The following SHANK2 variants were observed in gnomAD, a reference collection of about 807,000 sequenced individuals.
SHANK2 encodes the protein SH3 and multiple ankyrin repeat domains protein 2.
SHANK2 carries 43 observed loss-of-function variants against 133.7 expected under a neutral mutation model. The observed-to-expected ratio is 0.32, with a 90% CI of 0.25 to 0.41. SHANK2 has a LOEUF of 0.41. Among genes scored for constraint, SHANK2 ranks in the 10% least tolerant of loss-of-function variants. The probability of loss-of-function intolerance (pLI) is 1.00; values close to 1 mark genes in which losing one functional copy is unlikely to be tolerated. For synonymous variants in SHANK2, 1,017 were observed against 952.8 expected (o/e 1.07, Z -1.24); for missense variants, 1,994 against 2,235.8 (o/e 0.89, Z 2.18).
At chr11:70,842,933 G>A (rs566634859) in intron 11 of SHANK2, among the ~76,000 whole-genome samples, 10 of 152,060 alleles carry the variant, frequency 6.6e-5, no homozygotes, top group East Asian at 1.9e-4. Flanking sequence ...CGGGCTGGGC[G>A]GCCATTCCCT....
rs1172807204 is a variant in SHANK2 at position 71,133,346 on chromosome 11, A to ATGGATGGC, written c.207+13773_207+13774insGCCATCCA. Among the ~76,000 whole-genome samples the ATGGATGGC allele has an allele frequency of 7.8e-3, 878 of 111,940 alleles. 51 individuals carry two copies. Among genetic ancestry groups the ATGGATGGC allele is most frequent in the African/African-American group, 0.031 (827 of 27,112 alleles). 73.4% of individuals were successfully genotyped at this position (111,940 alleles called of 152,430 possible). On this transcript the variant is annotated intron_variant, in intron 3 of 25. Transcript: ENST00000601538. Reference sequence around the variant, plus strand: ...GGTAGGTGGGTGGCTGGGAGGATGCATGGCTGGCTGGCTGGCTGGCTGGGT... The same window carrying ATGGATGGC: ...GGTAGGTGGGTGGCTGGGAGGATGCATGGATGGCTGGCTGGCTGGCTGGCTGGCTGGGT...
In SHANK2 at chr11:70,502,827, A is replaced by G. The variant is rs1407503328; in HGVS notation, c.2166T>C (p.Asn722=). The change falls in exon 18 of 26, where the codon AAT becomes AAC. Residue 722 remains asparagine, a synonymous_variant. Transcript: ENST00000601538. ...LVLKVVTVTR[N]LDPDDTARKK... ...TCCTGGCGGTGTCGTCGGGGTCCAG[A>G]TTCCTGGTCACCGTGACCACCTTAA... 1 of 1,600,288 alleles carries G rather than the reference A, an allele frequency of 6.2e-7. No individual in the cohort carries two copies. The highest frequency in any genetic ancestry group is 2.3e-5 in the East Asian group (1 of 43,812).
At chr11:70,599,959 GAAAGAAA>G (rs1565166680) in intron 17 of SHANK2, among the ~76,000 whole-genome samples, 2 of 126,690 alleles carry the variant, frequency 1.6e-5, no homozygotes, top group Non-Finnish European at 1.7e-5. Flanking sequence ...AAGAAAGAAA[GAAAGAAA>G]GAAAGAAAAT....
At chr11:71,130,775 C>T (rs1390891776) in intron 3 of SHANK2, among the ~76,000 whole-genome samples, 5 of 152,080 alleles carry the variant, frequency 3.3e-5, no homozygotes, top group African/African-American at 1.2e-4. Flanking sequence ...GCCAGAGCAT[C>T]TCAGGTCGTG....
At chr11:70,671,055 G>T (rs1555015937) in intron 15 of SHANK2, among the ~76,000 whole-genome samples, 1 of 152,222 alleles carries the variant, frequency 6.6e-6, no homozygotes, top group Non-Finnish European at 1.5e-5. Flanking sequence ...GATAAGCAAT[G>T]CAAGTTTTTC....
In SHANK2 at chr11:70,820,531, G is replaced by T; in HGVS notation, c.1326C>A (p.His442Gln). 1 of 717,132 alleles carries T rather than the reference G, an allele frequency of 1.4e-6. No individual in the cohort carries two copies. The highest frequency in any genetic ancestry group is 2.6e-6 in the Non-Finnish European group (1 of 384,794). The allele number at this position is 717,132 out of a possible 1,614,324, so 44.4% of individuals were successfully genotyped here. Residue 442 changes from histidine to glutamine, a missense_variant, in exon 12 of 26, where the codon CAC (histidine) becomes CAA (glutamine). Coordinates refer to ENST00000601538, the MANE Select transcript of SHANK2 (RefSeq NM_012309.5). The stretch of plus-strand genomic sequence containing the variant: ...GCAGCAGCTGGGGTGACAGGCTGCG[G>T]TGCGAGGTGGCCGTGGAGCAGACGG... Reference protein sequence around the residue: ...DWAVCSTATSHRSLSPQLLQQ... With the variant: ...DWAVCSTATSQRSLSPQLLQQ...
intron 3 of SHANK2, among the ~76,000 whole-genome samples, chr11:71,129,302 C>T (rs1309624711): frequency 6.6e-6 from 1 of 152,154 alleles, no homozygotes; most frequent in Non-Finnish European, 1.5e-5. Context: ...AGCAATGATT[C>T]TGGCGAGGGG....
intron 12 of SHANK2, among the ~76,000 whole-genome samples, chr11:70,811,738 C>T (rs568428007): frequency 6.6e-6 from 1 of 151,548 alleles, no homozygotes; most frequent in Non-Finnish European, 1.5e-5. Flanking sequence ...ATCTACCCAT[C>T]CATTCATCCA....
intron 17 of SHANK2, among the ~76,000 whole-genome samples, chr11:70,629,671 T>A (rs1372709986): frequency 6.6e-6 from 1 of 151,800 alleles, no homozygotes; most frequent in Admixed American, 6.6e-5. Flanking sequence ...GGAGAGGGGG[T>A]GCTGCCGTCA....
intron 13 of SHANK2, among the ~76,000 whole-genome samples, chr11:70,802,232 GA>G (rs1482851763): frequency 1.3e-5 from 2 of 152,194 alleles, no homozygotes; most frequent in African/African-American, 2.4e-5. Context: ...ACCAACTGCG[GA>G]TCTCTCTATG....
chr11:71,161,720 T>G (rs1283642684), intron 2 of SHANK2, among the ~76,000 whole-genome samples: 1 of 152,226 alleles, frequency 6.6e-6, no homozygotes, highest in Non-Finnish European at 1.5e-5. Context: ...ACACCTTACA[T>G]GTACTCATTG....
chr11:70,560,451 C>T, intron 17 of SHANK2, among the ~76,000 whole-genome samples: 1 of 142,974 alleles, frequency 7.0e-6, no homozygotes, highest in African/African-American at 2.6e-5. Context: ...GATCTATGGA[C>T]TCAATGTAAT....
intron 11 of SHANK2, among the ~76,000 whole-genome samples, chr11:70,889,954 G>T (rs1328580961): frequency 6.6e-6 from 1 of 152,186 alleles, no homozygotes; most frequent in Non-Finnish European, 1.5e-5. Flanking sequence ...GAAGCAACGT[G>T]TGTGGAAAAG....
chr11:70,548,002 G>A (rs1250063905), intron 17 of SHANK2, among the ~76,000 whole-genome samples: 3 of 152,236 alleles, frequency 2.0e-5, no homozygotes, highest in Non-Finnish European at 4.4e-5. Context: ...AAGGCTGTGG[G>A]TGTGGCTGGC....
chr11:70,638,193 G>A (rs1555005031), intron 17 of SHANK2, among the ~76,000 whole-genome samples: 50 of 152,224 alleles, frequency 3.3e-4, no homozygotes, highest in Non-Finnish European at 1.8e-4. Context: ...TAGAGCTACA[G>A]AGTCCGGGGG....
At chr11:70,668,679 A>ACGGG (rs1457214795) in intron 15 of SHANK2, 3 of 152,552 alleles carry the variant, frequency 2.0e-5, no homozygotes, top group Non-Finnish European at 4.4e-5. Flanking sequence ...TGAGAACCAT[A>ACGGG]CGGGCACCTG....
At chr11:71,145,050 T>C (rs1339543612) in intron 3 of SHANK2, among the ~76,000 whole-genome samples, 7 of 152,360 alleles carry the variant, frequency 4.6e-5, no homozygotes, top group Admixed American at 4.6e-4. Context: ...TTATAGCTTT[T>C]ATAAGAGGCA....
intron 17 of SHANK2, among the ~76,000 whole-genome samples, chr11:70,566,227 C>A (rs1432333651): frequency 6.6e-6 from 1 of 152,178 alleles, no homozygotes; most frequent in Admixed American, 6.5e-5. Flanking sequence ...ATGGGAGCTA[C>A]AATTCAAGAT....
Position 70,473,217 on chromosome 11 carries a change from A to G in SHANK2, c.5202T>C (p.Ser1734=). The G allele has an allele frequency of 6.2e-7, 1 of 1,610,652 alleles. No individual in the cohort carries two copies. Among genetic ancestry groups the G allele is most frequent in the Non-Finnish European group, 8.5e-7 (1 of 1,177,184 alleles). Residue 1734 remains serine (S), a synonymous_variant, in exon 26 of 26, where the codon TCT becomes TCC. Coordinates refer to ENST00000601538, the MANE Select transcript of SHANK2 (RefSeq NM_012309.5). The surrounding 1 kb of genome is among the most constrained non-coding windows in gnomAD (Gnocchi z 5.9). Reference sequence around the variant, plus strand: ...GGCTAAAGACATCTGAGAGAGCGGGAGAAGGAGAGGCGGTGGCAGCAGACA... The same window carrying G: ...GGCTAAAGACATCTGAGAGAGCGGGGGAAGGAGAGGCGGTGGCAGCAGACA... ...APLSAATASP[S]PALSDVFSLP...
Sources: allele counts gnomAD v4.1 joint callset (sites outside exome capture counted in the v4.1 genomes callset), GRCh38; gene constraint gnomAD v4.1.1; non-coding constraint Gnocchi (gnomAD v3.1); transcripts MANE v1.5; gene names NCBI Gene and HGNC (gene_info 2026-07-23, HGNC 2026-07-21).